ZNF519: variants seen among roughly 807,000 people sequenced by gnomAD.
The protein encoded by ZNF519 is similar to Zinc finger protein 85 (Zinc finger protein HPF4) (HTF1).
Under a neutral mutation model 7.4 loss-of-function variants are expected in ZNF519, and 7 were observed. The observed-to-expected ratio is 0.94, with a 90% CI of 0.54 to 1.77. ZNF519 has a LOEUF of 1.77. Ranked by LOEUF, ZNF519 falls within the 40% of genes most tolerant of loss-of-function variation. The pLI, the probability that ZNF519 is intolerant of heterozygous loss-of-function variation, is 0.00. For missense variants in ZNF519, 586 were observed against 623.1 expected (o/e 0.94, Z 0.63); for synonymous variants, 179 against 203.3 (o/e 0.88, Z 1.02).
intron 2 of ZNF519, among the ~76,000 whole-genome samples, chr18:14,106,856 G>C (rs7244987): frequency 0.21 from 31,518 of 151,934 alleles, 3,472 homozygotes; most frequent in Middle Eastern, 0.24. Context: ...ACAGCAGAAA[G>C]CAAAACTGGA....
At chr18:14,130,973 T>C (rs16956536) in intron 1 of ZNF519, among the ~76,000 whole-genome samples, 4,902 of 152,094 alleles carry the variant, frequency 0.032, 266 homozygotes, top group African/African-American at 0.11. Flanking sequence ...CATCCCTCAG[T>C]GTGTCCTCTG....
intron 2 of ZNF519, among the ~76,000 whole-genome samples, chr18:14,091,441 C>T (rs1015620601): frequency 6.6e-6 from 1 of 152,018 alleles, no homozygotes; most frequent in African/African-American, 2.4e-5. Flanking sequence ...CAAGGATACA[C>T]CATTATTATG....
At chr18:14,108,541 ATATAATC>A (rs2046205271) in intron 2 of ZNF519, among the ~76,000 whole-genome samples, 2 of 152,108 alleles carry the variant, frequency 1.3e-5, no homozygotes, top group African/African-American at 4.8e-5. Flanking sequence ...GTAAATCTTT[ATATAATC>A]AATAACAACA....
At chr18:14,079,656 A>T (rs2046062687) in intron 3 of ZNF519, among the ~76,000 whole-genome samples, 1 of 152,240 alleles carries the variant, frequency 6.6e-6, no homozygotes, top group African/African-American at 2.4e-5. Flanking sequence ...AATAAAATGT[A>T]GCTAAGATAG....
chr18:14,121,248 G>C (rs895599191), intron 2 of ZNF519, among the ~76,000 whole-genome samples: 6 of 151,938 alleles, frequency 3.9e-5, no homozygotes, highest in Non-Finnish European at 7.4e-5. Context: ...GAAATCTAAT[G>C]TACATTAGCA....
chr18:14,095,077 G>A (rs939526669), downstream of ZNF519, among the ~76,000 whole-genome samples: 2 of 152,178 alleles, frequency 1.3e-5, no homozygotes, highest in Non-Finnish European at 2.9e-5. Context: ...ATTGTTCCCT[G>A]AATGTTCTTG....
chr18:14,074,016 C>G (rs959650634), downstream of ZNF519: 7 of 152,184 alleles, frequency 4.6e-5, no homozygotes, highest in African/African-American at 1.7e-4. Context: ...CTGCTCTGCT[C>G]ATTTGTGACT....
chr18:14,118,595 A>G (rs2143154236), intron 2 of ZNF519, among the ~76,000 whole-genome samples: 1 of 152,296 alleles, frequency 6.6e-6, no homozygotes, highest in African/African-American at 2.4e-5. Flanking sequence ...GGTCATTTGG[A>G]AAAAGCAGGC....
intron 2 of ZNF519, chr18:14,122,721 T>C (rs762005110): frequency 1.7e-4 from 26 of 152,250 alleles, no homozygotes; most frequent in Non-Finnish European, 3.5e-4. Flanking sequence ...ATTATTTTCA[T>C]TGGAGCAAAG....
chr18:14,077,923 A>C (rs1169503622), intron 4 of ZNF519, among the ~76,000 whole-genome samples: 1 of 152,206 alleles, frequency 6.6e-6, no homozygotes, highest in Non-Finnish European at 1.5e-5. Context: ...GCAAATAGGC[A>C]GTCGTCCCCA....
intron 1 of ZNF519, among the ~76,000 whole-genome samples, chr18:14,127,479 C>G (rs1287854583): frequency 1.3e-5 from 2 of 152,184 alleles, no homozygotes; most frequent in Non-Finnish European, 2.9e-5. Flanking sequence ...AAGATCCTCT[C>G]ATGGAGGCTC....
intron 2 of ZNF519, among the ~76,000 whole-genome samples, chr18:14,086,714 TA>T (rs1415689789): frequency 2.6e-5 from 4 of 152,198 alleles, no homozygotes; most frequent in Non-Finnish European, 5.9e-5. Context: ...AGCCCCGCTC[TA>T]GTCCTTCCAG....
chr18:14,131,740 C>T (rs1485767726), intron 1 of ZNF519, among the ~76,000 whole-genome samples: 1 of 151,820 alleles, frequency 6.6e-6, no homozygotes, highest in East Asian at 1.9e-4. Flanking sequence ...CCAGACACTC[C>T]AAATAAAGCG....
intron 3 of ZNF519, among the ~76,000 whole-genome samples, chr18:14,081,934 G>C (rs901535912): frequency 6.6e-6 from 1 of 151,728 alleles, no homozygotes; most frequent in Non-Finnish European, 1.5e-5. Context: ...TGTAAATCTT[G>C]CAAGAAATAA....
intron 1 of ZNF519, among the ~76,000 whole-genome samples, chr18:14,125,278 T>C (rs1276351979): frequency 6.6e-6 from 1 of 152,204 alleles, no homozygotes; most frequent in African/African-American, 2.4e-5. Flanking sequence ...ATAATGGCAA[T>C]GTCTGAATAA....
chr18:14,082,709 G>A (rs2046075180), intron 3 of ZNF519: 1 of 149,454 alleles, frequency 6.7e-6, no homozygotes, highest in Non-Finnish European at 1.5e-5. Flanking sequence ...CCATCACTCA[G>A]GCTGGAGTGC....
intron 2 of ZNF519, 153 bp downstream of exon 2, chr18:14,124,197 T>A: frequency 1.5e-6 from 1 of 684,198 alleles, no homozygotes; most frequent in Non-Finnish European, 2.2e-6. Context: ...AAAAAAAGAT[T>A]TTCTTTTTTA....
intron 2 of ZNF519, among the ~76,000 whole-genome samples, chr18:14,112,461 A>C (rs1363555959): frequency 1.3e-5 from 2 of 152,152 alleles, no homozygotes. Flanking sequence ...GAGCAATTAG[A>C]CAAGAGAAAA....
chr18:14,077,310 T>C (rs1237768561), exon 5 of ZNF519: 3 of 152,202 alleles, frequency 2.0e-5, no homozygotes, highest in Non-Finnish European at 4.4e-5. Context: ...GAAGACCTTC[T>C]CCAGACAGGA....
Sources: gnomAD v4.1 joint callset for allele counts (sites outside exome capture counted in the v4.1 genomes callset) on GRCh38, gnomAD v4.1.1 for gene constraint, MANE v1.5 for transcripts, NCBI Gene and HGNC (gene_info 2026-07-23, HGNC 2026-07-21) for gene names.